Variants in CUL2 observed in about 807,000 individuals in gnomAD.
CUL2 encodes cullin 2.
Under a neutral mutation model 110.2 loss-of-function variants are expected in CUL2, and 22 were observed. The ratio of observed to expected loss-of-function variants is 0.20; its 90% CI spans 0.14 to 0.28. The LOEUF (loss-of-function observed/expected upper bound fraction) is 0.28. CUL2 is among the 10% of genes least tolerant of loss of function. The pLI is 1.00. For synonymous variants in CUL2, 279 were observed against 293.2 expected, an observed-to-expected ratio of 0.95 and a Z score of 0.49; for missense variants, 631 against 905.5, an observed-to-expected ratio of 0.70 and a Z score of 3.89.
At chr10:35,047,326 C>T (rs959236561) in intron 6 of CUL2, among the ~76,000 whole-genome samples, 1 of 151,844 alleles carries the variant, frequency 6.6e-6, no homozygotes, top group Non-Finnish European at 1.5e-5. Context: ...TTAAAGATTT[C>T]TGGGCCAGGC....
chr10:35,035,238 A>C lies in CUL2; in HGVS notation c.936T>G (p.Ile312Met). The stretch of plus-strand genomic sequence containing the variant: ...CATGGATGTGGTTTTGCAGCTCCTG[A>C]ATCATATGAGGTAAACCAGTGGACA... ...RAVSTGLPHM[I>M]QELQNHIHDE... The change falls in exon 10 of 21, where the codon ATT (isoleucine) becomes ATG (methionine). Residue 312 changes from isoleucine (I) to methionine (M), a missense_variant. Physicochemically the swap from Ile to Met is conservative, Grantham distance 10. This residue lies in a region of CUL2 where 338 missense variants were observed against 442.5 expected (regional missense o/e 0.76). Transcript: ENST00000374749. The C allele has an allele frequency of 6.2e-7, 1 of 1,614,180 alleles. No individual in the cohort carries two copies. The highest frequency in any genetic ancestry group is 1.1e-5 in the South Asian group (1 of 91,086).
At chr10:35,082,753 AAG>A (rs1267459084) in intron 1 of CUL2, among the ~76,000 whole-genome samples, 2 of 152,210 alleles carry the variant, frequency 1.3e-5, no homozygotes, top group East Asian at 1.9e-4. Flanking sequence ...TATCAAATAA[AAG>A]AGAAATATCT....
intron 1 of CUL2, among the ~76,000 whole-genome samples, chr10:35,108,037 T>C (rs1340074051): frequency 2.0e-5 from 3 of 151,978 alleles, no homozygotes; most frequent in South Asian, 4.1e-4. Context: ...AGGGAAGAGT[T>C]TGTGAGGTTT....
chr10:35,044,519 G>A (rs1704462589), intron 8 of CUL2, 47 bp downstream of exon 8: 2 of 1,190,792 alleles, frequency 1.7e-6, no homozygotes, highest in South Asian at 1.5e-5. Context: ...ATAAAACCAG[G>A]CCAGATACAA....
At chr10:35,016,492 T>C (rs2085037043) in intron 17 of CUL2, 98 bp from the exon 18 acceptor site, 2 of 920,878 alleles carry the variant, frequency 2.2e-6, no homozygotes, top group South Asian at 1.7e-5. Flanking sequence ...AGTGAACCAA[T>C]AATTTTATTA....
intron 3 of CUL2, among the ~76,000 whole-genome samples, chr10:35,061,421 C>T (rs1412190348): frequency 6.7e-6 from 1 of 149,076 alleles, no homozygotes; most frequent in Non-Finnish European, 1.5e-5. Context: ...GACCCCACCA[C>T]TGCACTCCAG....
intron 1 of CUL2, among the ~76,000 whole-genome samples, chr10:35,073,624 A>C (rs1333150981): frequency 7.8e-6 from 1 of 128,336 alleles, no homozygotes; most frequent in East Asian, 2.2e-4. Flanking sequence ...TTTTTTTGAG[A>C]TGGAGTCTCG....
chr10:35,075,032 ATTAGT>A (rs2086779085), intron 1 of CUL2, among the ~76,000 whole-genome samples: 1 of 152,226 alleles, frequency 6.6e-6, no homozygotes, highest in Non-Finnish European at 1.5e-5. Context: ...CTGCTTGTAA[ATTAGT>A]TTAACAGTTG....
intron 2 of CUL2, among the ~76,000 whole-genome samples, chr10:35,068,771 T>C (rs556590214): frequency 6.6e-6 from 1 of 152,324 alleles, no homozygotes; most frequent in South Asian, 2.1e-4. Flanking sequence ...AAATTTCCAC[T>C]TAAGATATTA....
chr10:35,052,207 T>G (rs2086129081), intron 5 of CUL2, among the ~76,000 whole-genome samples: 1 of 152,216 alleles, frequency 6.6e-6, no homozygotes, highest in South Asian at 2.1e-4. Context: ...CCATTGGTAA[T>G]TAAGCATCTG....
At chr10:35,059,338 T>C (rs1270022094) in intron 4 of CUL2, among the ~76,000 whole-genome samples, 2 of 152,124 alleles carry the variant, frequency 1.3e-5, no homozygotes, top group Admixed American at 6.5e-5. Flanking sequence ...TTTTAAGACA[T>C]TGCCACAGCC....
At chr10:35,072,300 G>A (rs1399467023) in intron 1 of CUL2, among the ~76,000 whole-genome samples, 2 of 151,484 alleles carry the variant, frequency 1.3e-5, no homozygotes, top group Non-Finnish European at 2.9e-5. Flanking sequence ...GATTCTTGGG[G>A]TATCTACCTC....
chr10:35,058,629 A>T (rs2086304076), intron 4 of CUL2, among the ~76,000 whole-genome samples: 1 of 152,182 alleles, frequency 6.6e-6, no homozygotes, highest in Non-Finnish European at 1.5e-5. Context: ...ATGTCTGCAC[A>T]ACTGTTTTCT....
chr10:35,054,765 C>A (rs1382849285), intron 4 of CUL2, among the ~76,000 whole-genome samples: 1 of 152,168 alleles, frequency 6.6e-6, no homozygotes, highest in East Asian at 1.9e-4. Flanking sequence ...AGCCCAACAG[C>A]TCTTATCCAA....
At chr10:35,079,889 T>C (rs1217087919) in intron 1 of CUL2, among the ~76,000 whole-genome samples, 1 of 152,180 alleles carries the variant, frequency 6.6e-6, no homozygotes, top group Non-Finnish European at 1.5e-5. Flanking sequence ...ACAGTCTATC[T>C]GATAATCAAG....
chr10:35,028,917 C>G, intron 15 of CUL2, 30 bp from the exon 16 acceptor site: 1 of 1,316,956 alleles, frequency 7.6e-7, no homozygotes, highest in Non-Finnish European at 1.1e-6. Context: ...ATAAAATAAG[C>G]TAAATGGATC....
chr10:35,073,448 CAGAAAT>C (rs1231480636), intron 1 of CUL2, among the ~76,000 whole-genome samples: 2 of 152,126 alleles, frequency 1.3e-5, no homozygotes, highest in African/African-American at 4.8e-5. Context: ...AGGCCCTCAG[CAGAAAT>C]AGTAACAGTT....
In CUL2 at chr10:35,126,143, G is replaced by A. The variant is rs921217067; in HGVS notation, c.-51+462C>T. Reference sequence around the variant, plus strand: ...CCTTTCTAATCTAAAAAAAAAAAAAGAGATGAAGTCTCACTGTGTTCCCTA... The same window carrying A: ...CCTTTCTAATCTAAAAAAAAAAAAAAAGATGAAGTCTCACTGTGTTCCCTA... On this transcript the variant is annotated intron_variant, in intron 1 of 5. Coordinates refer to the CUL2 transcript ENST00000685421. Among the ~76,000 whole-genome samples, 6 of 151,030 alleles carry A rather than the reference G, an allele frequency of 4.0e-5. No homozygotes were observed. In the East Asian group the frequency reaches 1.2e-3, roughly 29 times the overall value.
At chr10:35,070,006 A>G (rs2086638466) in intron 2 of CUL2, among the ~76,000 whole-genome samples, 1 of 152,228 alleles carries the variant, frequency 6.6e-6, no homozygotes, top group Non-Finnish European at 1.5e-5. Context: ...TATACTGGAA[A>G]GCATAGGAAA....
Sources: gnomAD v4.1 joint callset for allele counts (sites outside exome capture counted in the v4.1 genomes callset) on GRCh38, gnomAD v4.1.1 for gene constraint, gnomAD v4.1.1 regional missense constraint, MANE v1.5 for transcripts, NCBI Gene and HGNC (gene_info 2026-07-23, HGNC 2026-07-21) for gene names.